METTL3: variants seen among roughly 807,000 people sequenced by gnomAD.
METTL3 encodes the protein methyltransferase 3, N6-adenosine-methyltransferase complex catalytic subunit.
In METTL3, 42 loss-of-function variants were observed where a neutral mutation model predicts 64.3. The ratio of observed to expected loss-of-function variants is 0.65; its 90% CI spans 0.51 to 0.84. The LOEUF is 0.84. Ranked by LOEUF, METTL3 falls within the 40% of genes least tolerant of loss-of-function variation. METTL3 has a pLI of 0.00. For missense variants in METTL3, 435 were observed against 722.3 expected, an observed-to-expected ratio of 0.60 and a Z score of 4.56; for synonymous variants, 256 against 263.6, an observed-to-expected ratio of 0.97 and a Z score of 0.28.
In METTL3 at chr14:21,499,136, AC is replaced by A; in HGVS notation, c.1519del (p.Val507PhefsTer14). The A allele has an allele frequency of 6.2e-7, 1 of 1,612,280 alleles. No individual in the cohort carries two copies. The highest frequency in any genetic ancestry group is 2.2e-5 in the East Asian group (1 of 44,872). On this transcript the variant is annotated frameshift_variant and splice_region_variant, in exon 10 of 11. Transcript: ENST00000298717. LOFTEE classifies it high-confidence loss of function. ...ATCTGGTTTATGACTGGTGGAACGA[AC>A]CTAGGAAATAAAAACTAGCTGCTTT... is the stretch of plus-strand genomic sequence containing the variant. ...GLDCDVIVAE[V>X]RSTSHKPDEI...
chr14:21,498,990 C>A (rs774310763), intron 10 of METTL3, 35 bp downstream of exon 10: 13 of 1,397,264 alleles, frequency 9.3e-6, no homozygotes, highest in Non-Finnish European at 1.3e-5. Flanking sequence ...AAATAATAGC[C>A]CCTTGAGGAC....
At position 21,511,108 on chromosome 14, in the gene METTL3, C is replaced by T. The variant is rs769298420; in HGVS notation, c.100+16G>A. 1.9e-6 allele frequency: 3 copies of T among 1,612,916 alleles called. No homozygotes were observed. Among genetic ancestry groups the T allele is most frequent in the Admixed American group, 1.7e-5 (1 of 59,820 alleles). On this transcript the variant is annotated intron_variant, in intron 1 of 10. Coordinates refer to ENST00000298717, the MANE Select transcript of METTL3 (RefSeq NM_019852.5). ...CTCCCCGGTTGAGCCTCGGCCCCAACAGCCCAGTGCCTCACCCAAGTGCCC... is the reference window on the plus strand; with the variant it reads ...CTCCCCGGTTGAGCCTCGGCCCCAATAGCCCAGTGCCTCACCCAAGTGCCC...
Position 21,500,304 on chromosome 14 carries a change from C to T in METTL3, c.1304+191G>A, listed in dbSNP as rs567918171. Among the ~76,000 whole-genome samples the T allele has an allele frequency of 2.8e-4, 42 of 151,924 alleles. No homozygotes were observed. The South Asian group carries it at 8.3e-3, about 30-fold the overall frequency. On this transcript the variant is annotated intron_variant, in intron 6 of 10. Transcript: ENST00000298717. ...GCTTGAACCTGGGAGGTGGAGGTTG[C>T]AGTGAGCTGAGATCACACTACTGCA... is the stretch of plus-strand genomic sequence containing the variant.
In METTL3 at chr14:21,503,384, C is replaced by A; in HGVS notation, c.512G>T (p.Gly171Val). 2 of 1,614,178 alleles carry A rather than the reference C, an allele frequency of 1.2e-6. No individual in the cohort carries two copies. The highest frequency in any genetic ancestry group is 2.2e-5 in the South Asian group (2 of 91,084). ...ACGCCGCTTCTGCCCTGTGACAGTCCCTGCTACCTCCCCAGGGCCCTTCTT... is the reference window on the plus strand; with the variant it reads ...ACGCCGCTTCTGCCCTGTGACAGTCACTGCTACCTCCCCAGGGCCCTTCTT... ...AEKKGPGEVAGTVTGQKRRAE... is the reference protein window; with the variant it reads ...AEKKGPGEVAVTVTGQKRRAE... Residue 171 changes from glycine to valine, a missense_variant, in exon 3 of 11, where the codon GGG becomes GTG. Gly to Val is a moderately radical substitution (Grantham distance 109). This residue lies in a region of METTL3 where 228 missense variants were observed against 279.6 expected (regional missense o/e 0.82). Transcript: ENST00000298717.
chr14:21,500,782 TTATC>T, intron 5 of METTL3, 100 bp from the exon 6 acceptor site: 2 of 1,443,586 alleles, frequency 1.4e-6, no homozygotes, highest in South Asian at 2.6e-5. Flanking sequence ...CCTTAAAAGC[TTATC>T]TATCCCCCTC....
rs1165575296 is a variant in METTL3 at position 21,501,907 on chromosome 14, T to A, written c.724-4A>T. On this transcript the variant is annotated splice_region_variant and splice_polypyrimidine_tract_variant and intron_variant, in intron 3 of 10. Coordinates refer to ENST00000298717, the MANE Select transcript of METTL3 (RefSeq NM_019852.5). ...GCTCTAGGATCTCCTGACTGACCTG[T>A]GACAGAAGTAGCCTTGGACTTAAAA... 1.2e-6 allele frequency: 2 copies of A among 1,613,876 alleles called. No individual in the cohort carries two copies. Among genetic ancestry groups the A allele is most frequent in the Non-Finnish European group, 1.7e-6 (2 of 1,179,810 alleles).
intron 1 of METTL3, among the ~76,000 whole-genome samples, chr14:21,509,789 T>C (rs996278028): frequency 6.6e-6 from 1 of 151,956 alleles, no homozygotes; most frequent in Non-Finnish European, 1.5e-5. Context: ...GGAAAAAACA[T>C]AACAAAACAA....
chr14:21,503,150 G>T, intron 3 of METTL3, 23 bp downstream of exon 3: 1 of 1,585,004 alleles, frequency 6.3e-7, no homozygotes. Flanking sequence ...CATATTGTGA[G>T]AGTATTTTCA....
chr14:21,500,723 CTG>C (rs1218453326), intron 5 of METTL3, 41 bp from the exon 6 acceptor site: 3 of 1,576,328 alleles, frequency 1.9e-6, no homozygotes, highest in Admixed American at 1.8e-5. Context: ...TACTTTAACT[CTG>C]AGATTCATGG....
chr14:21,499,022 T>C lies in METTL3; in HGVS notation c.1631+3A>G. On this transcript the variant is annotated splice_donor_region_variant and intron_variant, in intron 10 of 10. Coordinates refer to ENST00000298717, the MANE Select transcript of METTL3 (RefSeq NM_019852.5). The stretch of plus-strand genomic sequence containing the variant: ...GGACTAGCCTGTTCTCTGGTCACCT[T>C]ACCAGTTGGGTTGCACATTGTGTGG... 1 of 1,608,176 alleles carries C rather than the reference T, an allele frequency of 6.2e-7. No individual in the cohort carries two copies. The highest frequency in any genetic ancestry group is 8.5e-7 in the Non-Finnish European group (1 of 1,174,612).
chr14:21,498,905 T>C (rs778111053), intron 10 of METTL3, 120 bp downstream of exon 10: 2 of 683,904 alleles, frequency 2.9e-6, no homozygotes, highest in Non-Finnish European at 2.6e-6. Flanking sequence ...TTAAGTGGCT[T>C]ATGAATCCTG....
intron 3 of METTL3, 37 bp from the exon 4 acceptor site, chr14:21,501,940 T>C (rs370220585): frequency 2.6e-5 from 41 of 1,596,830 alleles, no homozygotes; most frequent in African/African-American, 8.1e-5. Flanking sequence ...AAATGTCTTA[T>C]AGATCAAATT....
At chr14:21,506,484 G>C (rs1273995408) in intron 1 of METTL3, among the ~76,000 whole-genome samples, 2 of 152,198 alleles carry the variant, frequency 1.3e-5, no homozygotes, top group African/African-American at 4.8e-5. Context: ...AACCCAGGAG[G>C]TGGAGCTTGC....
At chr14:21,501,182 A>C in intron 4 of METTL3, 53 bp from the exon 5 acceptor site, 3 of 1,367,474 alleles carry the variant, frequency 2.2e-6, no homozygotes, top group Non-Finnish European at 3.1e-6. Context: ...TAGATCCAAC[A>C]GTTCAAATTC....
intron 1 of METTL3, 113 bp from the exon 2 acceptor site, chr14:21,503,994 A>G: frequency 2.1e-6 from 2 of 960,904 alleles, no homozygotes; most frequent in Middle Eastern, 3.3e-4. Context: ...TTTGTGCAGG[A>G]AATTCTGTGA....
At position 21,509,168 on chromosome 14, in the gene METTL3, C is replaced by T. The variant is rs560596973; in HGVS notation, c.100+1956G>A. 2.0e-3 allele frequency among the ~76,000 whole-genome samples: 310 copies of T among 151,874 alleles called. 2 individuals carry two copies. The highest frequency in any genetic ancestry group is 7.3e-3 in the African/African-American group (302 of 41,406). ...CAGCCTGGGCAACATGGTGAAACCC[C>T]TTCTCCACCAAAAATACAAAAAATA... On this transcript the variant is annotated intron_variant, in intron 1 of 10. Transcript: ENST00000298717.
chr14:21,505,933 G>A (rs1891686304), intron 1 of METTL3, among the ~76,000 whole-genome samples: 1 of 152,102 alleles, frequency 6.6e-6, no homozygotes, highest in African/African-American at 2.4e-5. Flanking sequence ...CAAATTTGCT[G>A]AATCCTTAAA....
At position 21,500,982 on chromosome 14, in the gene METTL3, T is replaced by G. The variant is rs1164498324; in HGVS notation, c.1047A>C (p.Pro349=). The G allele has an allele frequency of 1.2e-6, 2 of 1,614,034 alleles. No homozygotes were observed. The highest frequency in any genetic ancestry group is 4.5e-5 in the East Asian group (2 of 44,896). ...TCTGTGTAAGAGCAAGCTCCTGGCT[T>G]GGCGTGTGGTCTTTGCTGCCAGGGG... The part of the protein sequence containing the change: ...SEAPGSKDHT[P]SQELALTQSV... Residue 349 remains proline, a synonymous_variant, in exon 5 of 11, where the codon CCA becomes CCC. Transcript: ENST00000298717.
intron 10 of METTL3, chr14:21,498,741 A>G: frequency 2.1e-6 from 1 of 471,390 alleles, no homozygotes; most frequent in Non-Finnish European, 3.8e-6. Context: ...CGTAACCACC[A>G]GGGGGCAGAT....
Sources: allele counts gnomAD v4.1 joint callset (sites outside exome capture counted in the v4.1 genomes callset), GRCh38; gene constraint gnomAD v4.1.1; regional missense constraint gnomAD v4.1.1; transcripts MANE v1.5; gene names NCBI Gene and HGNC (gene_info 2026-07-23, HGNC 2026-07-21).